The following TTLL2 variants were observed in gnomAD, a reference collection of about 807,000 sequenced individuals.
TTLL2 encodes tubulin tyrosine ligase like 2.
A neutral mutation model predicts 7.5 loss-of-function variants in TTLL2; 10 were observed. That is an observed-to-expected ratio of 1.33 (90% CI 0.82 to 2.25). The LOEUF (loss-of-function observed/expected upper bound fraction) is 2.25, where lower values mean the gene tolerates loss of function less well. TTLL2 is among the 30% of genes most tolerant of loss of function. The probability of loss-of-function intolerance (pLI) is 0.00; values close to 1 mark genes in which losing one functional copy is unlikely to be tolerated. For missense variants in TTLL2, 733 were observed against 735.7 expected (o/e 1.00, Z 0.04); for synonymous variants, 284 against 280.3 (o/e 1.01, Z -0.13).
chr6:167,331,193 A>G (rs1212525554), intron 1 of TTLL2, among the ~76,000 whole-genome samples: 1 of 152,192 alleles, frequency 6.6e-6, no homozygotes, highest in Non-Finnish European at 1.5e-5. Flanking sequence ...ATAATGTATA[A>G]CGATCTGATC....
Position 167,325,150 on chromosome 6 carries a change from G to A in TTLL2, c.-24G>A. On this transcript the variant is annotated 5_prime_UTR_variant, in exon 1 of 3. Transcript: ENST00000239587. ...CAGCTGCTGCACAGAGACCCACAGA[G>A]GCCACCCTCGGAACCAGCGCCCAAT... 1 of 1,568,002 alleles carries A rather than the reference G, an allele frequency of 6.4e-7. No individual in the cohort carries two copies. The highest frequency in any genetic ancestry group is 8.6e-7 in the Non-Finnish European group (1 of 1,157,800).
rs145172051 is a variant in TTLL2 at position 167,331,720 on chromosome 6, G to A, written c.47+6500G>A. ...AACCCCAACTTAGGAGTATGCACCTGTAACAATCGCTGAGTCCTGGCCAAT... is the reference window on the plus strand; with the variant it reads ...AACCCCAACTTAGGAGTATGCACCTATAACAATCGCTGAGTCCTGGCCAAT... On this transcript the variant is annotated intron_variant, in intron 1 of 2. Coordinates refer to ENST00000239587, the MANE Select transcript of TTLL2 (RefSeq NM_031949.5). Among the ~76,000 whole-genome samples the A allele has an allele frequency of 1.8e-4, 28 of 152,260 alleles. No individual in the cohort carries two copies. In the East Asian group the frequency reaches 4.4e-3, roughly 24 times the overall value.
At chr6:167,330,300 G>T in intron 1 of TTLL2, among the ~76,000 whole-genome samples, 1 of 152,134 alleles carries the variant, frequency 6.6e-6, no homozygotes, top group East Asian at 1.9e-4. Context: ...GCTCATTCCT[G>T]TAGCCCCAGC....
In TTLL2 at chr6:167,341,624, A is replaced by G; in HGVS notation, c.1724A>G (p.Asn575Ser). 6.2e-7 allele frequency: 1 copy of G among 1,614,114 alleles called. No individual in the cohort carries two copies. The highest frequency in any genetic ancestry group is 8.5e-7 in the Non-Finnish European group (1 of 1,180,008). Residue 575 changes from asparagine to serine, a missense_variant, in exon 3 of 3, where the codon AAT becomes AGT. Transcript: ENST00000239587. The part of the protein sequence containing the change: ...ATLGASRNGL[N>S]VKRIIQELQK... The stretch of plus-strand genomic sequence containing the variant: ...CTCGGAGCTTCCAGGAATGGATTAA[A>G]TGTCAAAAGAATAATCCAAGAGCTC...
chr6:167,337,114 A>T lies in TTLL2; in HGVS notation c.48-1533A>T, dbSNP rs71571498. Among the ~76,000 whole-genome samples the T allele has an allele frequency of 1.4e-4, 21 of 152,242 alleles. No individual in the cohort carries two copies. In the South Asian group the frequency reaches 1.7e-3, roughly 12 times the overall value. Reference sequence around the variant, plus strand: ...CCGCACATGCTTTCCACACACAATCAAACCAACCGCTGGCTGTGGTCAGCA... The same window carrying T: ...CCGCACATGCTTTCCACACACAATCTAACCAACCGCTGGCTGTGGTCAGCA... On this transcript the variant is annotated intron_variant, in intron 1 of 2. Coordinates refer to ENST00000239587, the MANE Select transcript of TTLL2 (RefSeq NM_031949.5).
In TTLL2 at chr6:167,337,268, G is replaced by T. The variant is rs182328880; in HGVS notation, c.48-1379G>T. 2.7e-3 allele frequency among the ~76,000 whole-genome samples: 417 copies of T among 152,222 alleles called. 1 individual carries two copies. Among genetic ancestry groups the T allele is most frequent in the African/African-American group, 9.5e-3 (395 of 41,438 alleles). ...CCAATGGGAAGGCAGATGCGTAGTT[G>T]AAATGGGGTCCCCAACCCGGCATGG... On this transcript the variant is annotated intron_variant, in intron 1 of 2. Transcript: ENST00000239587.
chr6:167,340,637 C>A lies in TTLL2; in HGVS notation c.737C>A (p.Pro246His). The A allele has an allele frequency of 6.2e-7, 1 of 1,614,038 alleles. No individual in the cohort carries two copies. Among genetic ancestry groups the A allele is most frequent in the Non-Finnish European group, 8.5e-7 (1 of 1,179,948 alleles). The part of the protein sequence containing the change: ...MYIVQKYISN[P>H]LLIGRYKCDL... ...ATAGTGCAGAAATATATCTCCAATC[C>A]TTTACTTATTGGCAGATATAAATGT... Residue 246 changes from proline to histidine, a missense_variant, in exon 3 of 3, where the codon CCT becomes CAT. Physicochemically the swap from Pro to His is moderately conservative, Grantham distance 77. Coordinates refer to ENST00000239587, the MANE Select transcript of TTLL2 (RefSeq NM_031949.5).
chr6:167,338,919 C>T (rs371163117), intron 2 of TTLL2, 116 bp downstream of exon 2: 5 of 1,083,524 alleles, frequency 4.6e-6, no homozygotes, highest in East Asian at 2.8e-5. Flanking sequence ...CTTTTTCTTT[C>T]CTCCTTCTCT....
At chr6:167,339,622 C>T (rs1432275269) in intron 2 of TTLL2, among the ~76,000 whole-genome samples, 13 of 152,096 alleles carry the variant, frequency 8.5e-5, no homozygotes, top group Admixed American at 7.9e-4. Flanking sequence ...AGGTGCCTGG[C>T]CTTCTTAAAT....
chr6:167,331,997 T>C (rs1175481059), intron 1 of TTLL2, among the ~76,000 whole-genome samples: 1 of 152,168 alleles, frequency 6.6e-6, no homozygotes, highest in Non-Finnish European at 1.5e-5. Context: ...CCTTTAAATT[T>C]AATTTGGCTG....
intron 1 of TTLL2, among the ~76,000 whole-genome samples, chr6:167,337,762 C>T (rs1442582327): frequency 6.6e-6 from 1 of 151,840 alleles, no homozygotes. Flanking sequence ...TCCTCCTACA[C>T]ACACATGCAC....
chr6:167,331,971 G>A (rs1278949245), intron 1 of TTLL2, among the ~76,000 whole-genome samples: 2 of 152,090 alleles, frequency 1.3e-5, no homozygotes, highest in African/African-American at 2.4e-5. Flanking sequence ...TGAATCATTC[G>A]TTGCTCAACT....
Position 167,341,810 on chromosome 6 carries a change from T to G in TTLL2, c.*131T>G, listed in dbSNP as rs1466546244. The G allele has an allele frequency of 1.0e-6, 1 of 960,342 alleles. No individual in the cohort carries two copies. Among genetic ancestry groups the G allele is most frequent in the South Asian group, 1.8e-5 (1 of 55,664 alleles). The allele number at this position is 960,342 out of a possible 1,614,324, so 59.5% of individuals were successfully genotyped here. On this transcript the variant is annotated 3_prime_UTR_variant, in exon 3 of 3. Coordinates refer to ENST00000239587, the MANE Select transcript of TTLL2 (RefSeq NM_031949.5). ...TTAACTATGACATTGGGACTGAAGATGTGGCCATATGTATAAATATAACAG... is the reference window on the plus strand; with the variant it reads ...TTAACTATGACATTGGGACTGAAGAGGTGGCCATATGTATAAATATAACAG...
In TTLL2 at chr6:167,340,357, C is replaced by T. The variant is rs761625216; in HGVS notation, c.457C>T (p.Leu153Phe). 1 of 1,614,058 alleles carries T rather than the reference C, an allele frequency of 6.2e-7. No individual in the cohort carries two copies. The highest frequency in any genetic ancestry group is 1.1e-5 in the South Asian group (1 of 91,090). Residue 153 changes from leucine (L) to phenylalanine (F), a missense_variant, in exon 3 of 3, where the codon CTT (leucine) becomes TTT (phenylalanine). Coordinates refer to ENST00000239587, the MANE Select transcript of TTLL2 (RefSeq NM_031949.5). ...AAACCACCACCCTGGAACCACCAAG[C>T]TTACCAGGAAAGACTGTTTGGCCAA... ...QLNHHPGTTK[L>F]TRKDCLAKHL...
chr6:167,326,233 G>A (rs920487075), intron 1 of TTLL2, among the ~76,000 whole-genome samples: 6 of 152,060 alleles, frequency 3.9e-5, no homozygotes, highest in African/African-American at 1.5e-4. Flanking sequence ...TGAGAAAACA[G>A]AACTTTCCTG....
chr6:167,336,173 C>G (rs925207177), intron 1 of TTLL2, among the ~76,000 whole-genome samples: 2 of 151,802 alleles, frequency 1.3e-5, no homozygotes, highest in Admixed American at 6.6e-5. Flanking sequence ...AGTGTGGGGG[C>G]AGCTGAGGAT....
At chr6:167,327,597 A>G (rs546284757) in intron 1 of TTLL2, among the ~76,000 whole-genome samples, 46 of 152,296 alleles carry the variant, frequency 3.0e-4, no homozygotes, top group African/African-American at 7.9e-4. Context: ...TGTGTGTATG[A>G]ATTTTACATT....
At chr6:167,337,014 A>T (rs1037421574) in intron 1 of TTLL2, among the ~76,000 whole-genome samples, 3 of 151,952 alleles carry the variant, frequency 2.0e-5, no homozygotes, top group Non-Finnish European at 4.4e-5. Flanking sequence ...GGCCCTCTTC[A>T]CAGCCACAGG....
chr6:167,325,161 G>A lies in TTLL2; in HGVS notation c.-13G>A. The A allele has an allele frequency of 6.4e-7, 1 of 1,573,798 alleles. No individual in the cohort carries two copies. Among genetic ancestry groups the A allele is most frequent in the Non-Finnish European group, 8.6e-7 (1 of 1,160,680 alleles). On this transcript the variant is annotated 5_prime_UTR_variant, in exon 1 of 3. Transcript: ENST00000239587. The stretch of plus-strand genomic sequence containing the variant: ...CAGAGACCCACAGAGGCCACCCTCG[G>A]AACCAGCGCCCAATGAGAGGGCGGG...
Sources: gnomAD v4.1 joint callset for allele counts (sites outside exome capture counted in the v4.1 genomes callset) on GRCh38, gnomAD v4.1.1 for gene constraint, MANE v1.5 for transcripts, NCBI Gene and HGNC (gene_info 2026-07-23, HGNC 2026-07-21) for gene names.